The following CDH12 variants were observed in gnomAD, a reference collection of about 807,000 sequenced individuals.
The protein encoded by CDH12 is cadherin-12.
CDH12 carries 41 observed loss-of-function variants against 74.1 expected under a neutral mutation model. That is an observed-to-expected ratio of 0.55 (90% CI 0.43 to 0.72). The LOEUF is 0.72. Among genes scored for constraint, CDH12 ranks in the 30% least tolerant of loss-of-function variants. The pLI is 0.00. For synonymous variants in CDH12, 399 were observed against 355.0 expected, an observed-to-expected ratio of 1.12 and a Z score of -1.39; for missense variants, 945 against 977.2, an observed-to-expected ratio of 0.97 and a Z score of 0.44.
At chr5:22,264,900 T>C (rs1478302105) in intron 3 of CDH12, among the ~76,000 whole-genome samples, 1 of 152,206 alleles carries the variant, frequency 6.6e-6, no homozygotes, top group African/African-American at 2.4e-5. Context: ...TATAGGCCTG[T>C]CACCCCAAAT....
intron 3 of CDH12, among the ~76,000 whole-genome samples, chr5:22,285,866 G>A (rs1737111582): frequency 6.6e-6 from 1 of 152,090 alleles, no homozygotes; most frequent in Non-Finnish European, 1.5e-5. Context: ...TACTTCTGAG[G>A]ATGAGGCACT....
chr5:21,802,470 G>A lies in CDH12; in HGVS notation c.1003-50C>T, dbSNP rs756179398. 28 of 1,477,014 alleles carry A rather than the reference G, an allele frequency of 1.9e-5. No homozygotes were observed. In the African/African-American group the frequency reaches 2.5e-4, roughly 13 times the overall value. 91.5% of individuals were successfully genotyped at this position (1,477,014 alleles called of 1,614,324 possible). ...AAGGAGTAAATTTATATAGAATGTG[G>A]CAGAAATGGTGAACATTACTTCAGA... On this transcript the variant is annotated intron_variant, in intron 9 of 14. Coordinates refer to ENST00000382254, the MANE Select transcript of CDH12 (RefSeq NM_004061.5).
At chr5:22,465,178 C>T (rs922633957) in intron 2 of CDH12, among the ~76,000 whole-genome samples, 1 of 152,134 alleles carries the variant, frequency 6.6e-6, no homozygotes, top group Non-Finnish European at 1.5e-5. Context: ...TTTTGTATAT[C>T]CAGTCTAATT....
intron 8 of CDH12, among the ~76,000 whole-genome samples, chr5:21,826,449 C>T (rs953116989): frequency 2.6e-5 from 4 of 152,234 alleles, no homozygotes; most frequent in Non-Finnish European, 5.9e-5. Flanking sequence ...TCTGTTGACA[C>T]GCTACCATTT....
chr5:22,659,256 T>C (rs1283157196), intron 1 of CDH12, among the ~76,000 whole-genome samples: 1 of 152,112 alleles, frequency 6.6e-6, no homozygotes, highest in Non-Finnish European at 1.5e-5. Flanking sequence ...GGTTTGGGAA[T>C]GTGATTTTGT....
At chr5:22,295,541 G>T (rs1483855923) in intron 3 of CDH12, among the ~76,000 whole-genome samples, 1 of 152,070 alleles carries the variant, frequency 6.6e-6, no homozygotes, top group Non-Finnish European at 1.5e-5. Context: ...AAGCACCAAT[G>T]CCTGGGGGAA....
At chr5:22,483,769 T>TATATAAA (rs1554044195) in intron 2 of CDH12, among the ~76,000 whole-genome samples, 1 of 118,616 alleles carries the variant, frequency 8.4e-6, no homozygotes, top group Non-Finnish European at 1.8e-5. Context: ...TATATAAATT[T>TATATAAA]AATTAATTGG....
intron 1 of CDH12, among the ~76,000 whole-genome samples, chr5:22,622,278 A>AAACATCCCCTACT (rs200698012): frequency 1.5e-5 from 2 of 133,216 alleles, no homozygotes; most frequent in African/African-American, 5.2e-5. Flanking sequence ...GATGCAACCG[A>AAACATCCCCTACT]GAGGAACATC....
In CDH12 at chr5:21,823,091, C is replaced by T. The variant is rs527592252; in HGVS notation, c.815-5959G>A. On this transcript the variant is annotated intron_variant, in intron 8 of 14. Transcript: ENST00000382254. The stretch of plus-strand genomic sequence containing the variant: ...CTTCATGGAATGACAAGGAAAAACA[C>T]ATAAACAAAAAGACAAGTGTTTTTC... Among the ~76,000 whole-genome samples the T allele has an allele frequency of 6.6e-5, 10 of 152,002 alleles. 1 individual carries two copies. In the South Asian group the frequency reaches 2.1e-3, roughly 32 times the overall value.
intron 6 of CDH12, among the ~76,000 whole-genome samples, chr5:21,918,660 G>A (rs1486384559): frequency 1.3e-5 from 2 of 151,970 alleles, no homozygotes; most frequent in African/African-American, 4.8e-5. Context: ...AGAACAGCAT[G>A]GGGTAAACTT....
At chr5:22,080,984 T>A (rs1217859110) in intron 4 of CDH12, among the ~76,000 whole-genome samples, 1 of 152,090 alleles carries the variant, frequency 6.6e-6, no homozygotes, top group Non-Finnish European at 1.5e-5. Context: ...TTTCACCATG[T>A]TGGCCAGGAT....
chr5:22,608,080 C>A (rs949184983), intron 1 of CDH12, among the ~76,000 whole-genome samples: 4 of 152,154 alleles, frequency 2.6e-5, no homozygotes, highest in African/African-American at 9.7e-5. Context: ...GAGAAGTGAG[C>A]CACCATCCTC....
chr5:22,316,420 C>T (rs967618738), intron 3 of CDH12, among the ~76,000 whole-genome samples: 4 of 152,100 alleles, frequency 2.6e-5, no homozygotes, highest in African/African-American at 9.7e-5. Context: ...CTAGTTATCA[C>T]ACAATCACTC....
At chr5:21,775,442 C>T (rs1745534896) in intron 11 of CDH12, among the ~76,000 whole-genome samples, 1 of 152,092 alleles carries the variant, frequency 6.6e-6, no homozygotes, top group African/African-American at 2.4e-5. Context: ...GACTCTTAGT[C>T]GCACCTGAAA....
chr5:22,802,902 A>G (rs535811237), intron 1 of CDH12, among the ~76,000 whole-genome samples: 2 of 152,304 alleles, frequency 1.3e-5, no homozygotes, highest in South Asian at 2.1e-4. Context: ...TTTGTTTAAT[A>G]TGGAAGATGA....
intron 2 of CDH12, among the ~76,000 whole-genome samples, chr5:22,428,759 A>T (rs1203255117): frequency 6.6e-6 from 1 of 152,188 alleles, no homozygotes; most frequent in African/African-American, 2.4e-5. Flanking sequence ...CCCAGTCGTC[A>T]ATCTACCTTG....
At chr5:22,517,922 A>C (rs1736874380) in intron 1 of CDH12, among the ~76,000 whole-genome samples, 1 of 152,228 alleles carries the variant, frequency 6.6e-6, no homozygotes, top group Non-Finnish European at 1.5e-5. Flanking sequence ...AATGGATTAC[A>C]AATGGCTGGC....
intron 1 of CDH12, among the ~76,000 whole-genome samples, chr5:22,623,019 C>G (rs375146619): frequency 6.6e-6 from 1 of 152,134 alleles, no homozygotes; most frequent in Non-Finnish European, 1.5e-5. Flanking sequence ...GTTCAACATA[C>G]GCAAATCAAT....
At chr5:22,196,223 C>A (rs1217045482) in intron 4 of CDH12, among the ~76,000 whole-genome samples, 1 of 150,482 alleles carries the variant, frequency 6.6e-6, no homozygotes, top group Non-Finnish European at 1.5e-5. Context: ...CGGCTCACTG[C>A]AACTTCCGAA....
Sources: gnomAD v4.1 joint callset for allele counts (sites outside exome capture counted in the v4.1 genomes callset) on GRCh38, gnomAD v4.1.1 for gene constraint, MANE v1.5 for transcripts, NCBI Gene and HGNC (gene_info 2026-07-23, HGNC 2026-07-21) for gene names.